Variants in PARD3 observed in about 807,000 individuals in gnomAD.
PARD3 encodes partitioning defective 3 homolog.
In PARD3, 75 loss-of-function variants were observed where a neutral mutation model predicts 155.4. The ratio of observed to expected loss-of-function variants is 0.48; its 90% CI spans 0.40 to 0.58. PARD3 has a LOEUF of 0.58. Among genes scored for constraint, PARD3 ranks in the 20% least tolerant of loss-of-function variants. PARD3 has a pLI of 0.00. For missense variants in PARD3, 1,642 were observed against 1,721.7 expected (o/e 0.95, Z 0.82); for synonymous variants, 576 against 610.5 (o/e 0.94, Z 0.83).
At chr10:34,807,827 T>C (rs528487987) in intron 1 of PARD3, among the ~76,000 whole-genome samples, 2 of 152,260 alleles carry the variant, frequency 1.3e-5, no homozygotes, top group South Asian at 4.1e-4. Context: ...AAATTTTACT[T>C]GCAAGGACCA....
chr10:34,685,531 A>T (rs1182155884), intron 2 of PARD3, among the ~76,000 whole-genome samples: 2 of 152,208 alleles, frequency 1.3e-5, no homozygotes, highest in East Asian at 1.9e-4. Flanking sequence ...GAAAAAACTC[A>T]GAGTAAACCG....
chr10:34,285,842 A>C (rs1956361643), intron 20 of PARD3, among the ~76,000 whole-genome samples: 2 of 152,120 alleles, frequency 1.3e-5, no homozygotes, highest in Admixed American at 1.3e-4. Context: ...AAAAAGGTAA[A>C]ACACCACCAC....
chr10:34,281,824 T>C (rs868755130), intron 21 of PARD3, among the ~76,000 whole-genome samples: 2 of 152,160 alleles, frequency 1.3e-5, no homozygotes, highest in Non-Finnish European at 1.5e-5. Flanking sequence ...TGGGGGAATG[T>C]TGGGTTTTCT....
chr10:34,544,429 A>T (rs2083883294), intron 2 of PARD3, among the ~76,000 whole-genome samples: 1 of 152,222 alleles, frequency 6.6e-6, no homozygotes, highest in African/African-American at 2.4e-5. Flanking sequence ...GGCACTATAT[A>T]ATATCAAGTT....
intron 2 of PARD3, among the ~76,000 whole-genome samples, chr10:34,524,461 C>T (rs1477343785): frequency 6.6e-6 from 1 of 152,166 alleles, no homozygotes; most frequent in Non-Finnish European, 1.5e-5. Flanking sequence ...TCTGTTGTCC[C>T]TCAGGGTGAC....
chr10:34,631,232 T>G (rs1689408396), intron 2 of PARD3, among the ~76,000 whole-genome samples: 1 of 152,132 alleles, frequency 6.6e-6, no homozygotes, highest in African/African-American at 2.4e-5. Context: ...GCCCCTCCTC[T>G]CCTGCCCTTC....
intron 21 of PARD3, among the ~76,000 whole-genome samples, chr10:34,276,928 T>C (rs959562674): frequency 6.6e-6 from 1 of 152,210 alleles, no homozygotes; most frequent in Admixed American, 6.6e-5. Context: ...CTGCAGAAGA[T>C]AGAATATACT....
chr10:34,297,516 C>T (rs980683834), intron 20 of PARD3, among the ~76,000 whole-genome samples: 1 of 152,198 alleles, frequency 6.6e-6, no homozygotes, highest in African/African-American at 2.4e-5. Context: ...TATTTCCTAA[C>T]AAGAATATCT....
intron 22 of PARD3, among the ~76,000 whole-genome samples, chr10:34,184,213 C>T (rs1371280503): frequency 6.6e-6 from 1 of 152,116 alleles, no homozygotes; most frequent in East Asian, 1.9e-4. Flanking sequence ...AATGAAGAGG[C>T]GAACAACAGG....
intron 1 of PARD3, among the ~76,000 whole-genome samples, chr10:34,726,837 A>C (rs1364923257): frequency 6.6e-6 from 1 of 152,002 alleles, no homozygotes; most frequent in Admixed American, 6.6e-5. Flanking sequence ...CCAGCATTAC[A>C]TCTTTATACT....
chr10:34,586,799 A>G (rs1273007070), intron 2 of PARD3, among the ~76,000 whole-genome samples: 1 of 152,134 alleles, frequency 6.6e-6, no homozygotes, highest in Non-Finnish European at 1.5e-5. Context: ...AAAAATAAAA[A>G]TTAGCCGGGC....
rs146485398 is a variant in PARD3 at position 34,795,468 on chromosome 10, G to A, written c.120+19408C>T. On this transcript the variant is annotated intron_variant, in intron 1 of 24. Coordinates refer to ENST00000374788, the MANE Select transcript of PARD3 (RefSeq NM_001184785.2). ...TCTACATAAATTCAAAAATTAGCCA[G>A]GCATGGTGGCACGCATCTGTAGTCC... Among the ~76,000 whole-genome samples the A allele has an allele frequency of 4.6e-5, 7 of 152,048 alleles. No individual in the cohort carries two copies. The East Asian group carries it at 5.8e-4, about 13-fold the overall frequency.
chr10:34,361,524 A>G (rs1839439257), intron 12 of PARD3, among the ~76,000 whole-genome samples: 1 of 152,196 alleles, frequency 6.6e-6, no homozygotes, highest in Non-Finnish European at 1.5e-5. Context: ...AAATCAACCC[A>G]AGGAATTTGG....
intron 2 of PARD3, among the ~76,000 whole-genome samples, chr10:34,559,050 A>ACC (rs2085254859): frequency 6.6e-6 from 1 of 151,148 alleles, no homozygotes; most frequent in Admixed American, 6.6e-5. Flanking sequence ...TTTCCCCCCC[A>ACC]CAGAATTAGC....
chr10:34,536,372 C>T (rs1479194332), intron 2 of PARD3, among the ~76,000 whole-genome samples: 1 of 152,152 alleles, frequency 6.6e-6, no homozygotes, highest in Non-Finnish European at 1.5e-5. Flanking sequence ...TTAATAATCA[C>T]CCCAAACATC....
At chr10:34,329,808 C>T (rs913894248) in intron 19 of PARD3, among the ~76,000 whole-genome samples, 10 of 152,170 alleles carry the variant, frequency 6.6e-5, no homozygotes, top group Admixed American at 4.6e-4. Flanking sequence ...TAGCAATCCT[C>T]TAAGTTATGC....
intron 5 of PARD3, among the ~76,000 whole-genome samples, chr10:34,413,166 CACACACACA>C (rs1208220230): frequency 6.6e-6 from 1 of 151,656 alleles, no homozygotes; most frequent in Non-Finnish European, 1.5e-5. Context: ...CACACACACA[CACACACACA>C]CACACATATA....
intron 5 of PARD3, among the ~76,000 whole-genome samples, chr10:34,413,136 GAT>G (rs139771703): frequency 0.1 from 10,495 of 100,566 alleles, 406 homozygotes; most frequent in African/African-American, 0.12. Context: ...CAGTACTTCA[GAT>G]ATATATACAC....
chr10:34,761,280 G>A (rs1380754159), intron 1 of PARD3, among the ~76,000 whole-genome samples: 12 of 151,846 alleles, frequency 7.9e-5, no homozygotes, highest in Middle Eastern at 3.4e-3. Flanking sequence ...GTGTGGTTGC[G>A]TGTACCCATA....
Sources: allele counts gnomAD v4.1 joint callset (sites outside exome capture counted in the v4.1 genomes callset), GRCh38; gene constraint gnomAD v4.1.1; transcripts MANE v1.5; gene names NCBI Gene and HGNC (gene_info 2026-07-23, HGNC 2026-07-21).